PLAAT5: variants seen among roughly 807,000 people sequenced by gnomAD.
PLAAT5 encodes Ca(2+)-independent N-acyltransferase.
A neutral mutation model predicts 27.8 loss-of-function variants in PLAAT5; 27 were observed. That is an observed-to-expected ratio of 0.97 (90% confidence interval 0.72 to 1.34). PLAAT5 has a LOEUF of 1.34. Ranked by LOEUF, PLAAT5 falls within the 40% of genes most tolerant of loss-of-function variation. The pLI, the probability that PLAAT5 is intolerant of heterozygous loss-of-function variation, is 0.00. For synonymous variants in PLAAT5, 125 were observed against 136.1 expected (o/e 0.92, Z 0.57); for missense variants, 368 against 343.8 (o/e 1.07, Z -0.56).
chr11:63,471,449 G>A (rs532222133), intron 3 of PLAAT5, among the ~76,000 whole-genome samples: 1 of 152,244 alleles, frequency 6.6e-6, no homozygotes, highest in African/African-American at 2.4e-5. Flanking sequence ...CATTCCTATT[G>A]TTTATGTGAA....
intron 3 of PLAAT5, among the ~76,000 whole-genome samples, chr11:63,474,406 A>C (rs1044109825): frequency 6.6e-6 from 1 of 152,120 alleles, no homozygotes; most frequent in Non-Finnish European, 1.5e-5. Context: ...CCAGTTTTAT[A>C]ATTTGTGTCT....
chr11:63,480,891 C>A (rs1468430551), intron 3 of PLAAT5, among the ~76,000 whole-genome samples: 2 of 152,164 alleles, frequency 1.3e-5, no homozygotes, highest in Non-Finnish European at 2.9e-5. Context: ...GATTTTGCTG[C>A]CCTGTTTGCC....
chr11:63,486,021 A>T (rs72930139), intron 3 of PLAAT5, among the ~76,000 whole-genome samples: 4,011 of 152,330 alleles, frequency 0.026, 76 homozygotes, highest in Middle Eastern at 0.041. Context: ...CAAACATATT[A>T]AAAAACTGCT....
At chr11:63,485,892 T>C (rs2016421433) in intron 3 of PLAAT5, among the ~76,000 whole-genome samples, 1 of 151,986 alleles carries the variant, frequency 6.6e-6, no homozygotes, top group Non-Finnish European at 1.5e-5. Context: ...AAAGGACTAA[T>C]ATCCAAAATC....
At chr11:63,469,319 G>C (rs958433677) in intron 3 of PLAAT5, 2 of 235,140 alleles carry the variant, frequency 8.5e-6, no homozygotes, top group African/African-American at 4.6e-5. Context: ...CCTGTGACCT[G>C]CAGGTCTTTG....
intron 3 of PLAAT5, among the ~76,000 whole-genome samples, chr11:63,476,464 A>G (rs545379320): frequency 6.6e-6 from 1 of 152,238 alleles, no homozygotes; most frequent in South Asian, 2.1e-4. Flanking sequence ...CATTTTTGCA[A>G]GATACATTAC....
intron 1 of PLAAT5, chr11:63,490,622 G>A (rs994355583): frequency 1.6e-6 from 1 of 607,056 alleles, no homozygotes; most frequent in Non-Finnish European, 2.9e-6. Flanking sequence ...AACCTCTGCC[G>A]AGCCAGAGCC....
intron 3 of PLAAT5, among the ~76,000 whole-genome samples, chr11:63,477,926 C>T (rs1272601926): frequency 6.6e-6 from 1 of 152,218 alleles, no homozygotes; most frequent in African/African-American, 2.4e-5. Flanking sequence ...AGTCTCCAGT[C>T]TGTCCTGAAT....
chr11:63,465,382 G>GTC (rs1344341439), intron 5 of PLAAT5, among the ~76,000 whole-genome samples: 2 of 149,678 alleles, frequency 1.3e-5, no homozygotes, highest in African/African-American at 5.0e-5. Flanking sequence ...GTGTGTGTGT[G>GTC]TGTGTGTGTG....
chr11:63,490,223 C>T lies in PLAAT5; in HGVS notation c.239+20G>A, dbSNP rs114304563. 6.9e-5 allele frequency: 112 copies of T among 1,614,124 alleles called. No individual in the cohort carries two copies. In the African/African-American group the frequency reaches 1.0e-3, roughly 15 times the overall value. ...AAAGATTTCTTCCACCCAAAGACCC[C>T]AACCTTACAATCTTCTTACCCTTGC... On this transcript the variant is annotated intron_variant, in intron 2 of 5. Transcript: ENST00000540857.
chr11:63,477,835 C>A (rs529870850), intron 3 of PLAAT5, among the ~76,000 whole-genome samples: 2 of 152,264 alleles, frequency 1.3e-5, no homozygotes, highest in African/African-American at 4.8e-5. Flanking sequence ...TGAGCCACAC[C>A]TTGTGCCGCG....
chr11:63,465,373 T>A (rs2015832334), intron 5 of PLAAT5, among the ~76,000 whole-genome samples: 1 of 15,018 alleles, frequency 6.7e-5, no homozygotes, highest in South Asian at 1.9e-3. Flanking sequence ...AAACAAAAAG[T>A]GTGTGTGTGT....
intron 3 of PLAAT5, among the ~76,000 whole-genome samples, chr11:63,486,648 G>A (rs2120341091): frequency 6.6e-6 from 1 of 152,218 alleles, no homozygotes; most frequent in South Asian, 2.1e-4. Context: ...ATCAACTTTA[G>A]GGACTCAGAA....
At chr11:63,483,803 A>ATATG (rs2016355762) in intron 3 of PLAAT5, among the ~76,000 whole-genome samples, 1 of 27,406 alleles carries the variant, frequency 3.6e-5, no homozygotes, top group Non-Finnish European at 5.7e-5. Context: ...ATATATATGT[A>ATATG]TATATATATA....
At chr11:63,463,691 T>C in intron 5 of PLAAT5, 96 bp from the exon 6 acceptor site, 1 of 899,090 alleles carries the variant, frequency 1.1e-6, no homozygotes, top group Admixed American at 1.8e-5. Flanking sequence ...GCAACCAGCC[T>C]GTCTGGAGTC....
At chr11:63,474,366 T>G (rs1210151994) in intron 3 of PLAAT5, among the ~76,000 whole-genome samples, 1 of 152,220 alleles carries the variant, frequency 6.6e-6, no homozygotes. Flanking sequence ...TATTTACTAA[T>G]TCAATTTAGA....
intron 3 of PLAAT5, among the ~76,000 whole-genome samples, chr11:63,480,764 C>T (rs1230757235): frequency 2.0e-5 from 3 of 152,162 alleles, no homozygotes; most frequent in African/African-American, 7.2e-5. Flanking sequence ...TTTTCTTTAA[C>T]ATCTCTCCAG....
chr11:63,476,229 T>C (rs990299254), intron 3 of PLAAT5, among the ~76,000 whole-genome samples: 7 of 152,110 alleles, frequency 4.6e-5, no homozygotes, highest in African/African-American at 1.7e-4. Context: ...ACTAGTTTTA[T>C]TCAATTACCT....
rs1468625419 is a variant in PLAAT5 at position 63,463,349 on chromosome 11, G to C, written c.*154C>G. On this transcript the variant is annotated 3_prime_UTR_variant, in exon 6 of 6. Coordinates refer to ENST00000540857, the MANE Select transcript of PLAAT5 (RefSeq NM_001146729.2). Reference sequence around the variant, plus strand: ...TGTGGGTCTATGCTCGTATATATTGGATGTATTTCTGGAAGGGTAATTGGA... The same window carrying C: ...TGTGGGTCTATGCTCGTATATATTGCATGTATTTCTGGAAGGGTAATTGGA... 1 of 687,578 alleles carries C rather than the reference G, an allele frequency of 1.5e-6. No individual in the cohort carries two copies. The highest frequency in any genetic ancestry group is 1.8e-5 in the African/African-American group (1 of 56,666). 42.6% of individuals were successfully genotyped at this position (687,578 alleles called of 1,614,324 possible). A position where few individuals can be genotyped will look rare whatever the true frequency, so the allele number is the denominator to read the frequency against.
Sources: allele counts gnomAD v4.1 joint callset (sites outside exome capture counted in the v4.1 genomes callset), GRCh38; gene constraint gnomAD v4.1.1; transcripts MANE v1.5; gene names NCBI Gene and HGNC (gene_info 2026-07-23, HGNC 2026-07-21).